The following TAF11 variants were observed in gnomAD, a reference collection of about 807,000 sequenced individuals.
The protein encoded by TAF11 is transcription initiation factor TFIID subunit 11.
TAF11 carries 10 observed loss-of-function variants against 23.0 expected under a neutral mutation model. The ratio of observed to expected loss-of-function variants is 0.43; its 90% confidence interval spans 0.27 to 0.74. The LOEUF is 0.74. Ranked by LOEUF, TAF11 falls within the 30% of genes least tolerant of loss-of-function variation. The pLI, the probability that TAF11 is intolerant of heterozygous loss-of-function variation, is 0.19. For missense variants in TAF11, 196 were observed against 261.7 expected (o/e 0.75, Z 1.73); for synonymous variants, 85 against 95.8 (o/e 0.89, Z 0.66).
intron 2 of TAF11, 120 bp downstream of exon 2, chr6:34,882,812 A>G: frequency 8.1e-7 from 1 of 1,238,054 alleles, no homozygotes; most frequent in African/African-American, 1.5e-5. Context: ...GCCATAATGT[A>G]TTAATCGTTT....
At chr6:34,886,771 TTC>T (rs547591262) in intron 1 of TAF11, among the ~76,000 whole-genome samples, 3 of 152,056 alleles carry the variant, frequency 2.0e-5, no homozygotes, top group Non-Finnish European at 2.9e-5. Context: ...CAGACAAATT[TTC>T]TCTTTTTCTA....
intron 2 of TAF11, among the ~76,000 whole-genome samples, chr6:34,882,246 G>A (rs994893434): frequency 6.6e-6 from 1 of 151,666 alleles, no homozygotes; most frequent in African/African-American, 2.4e-5. Context: ...GCTGAGGCAG[G>A]AGAATCGCTC....
In TAF11 at chr6:34,878,396, T is replaced by G; in HGVS notation, c.*194A>C. On this transcript the variant is annotated 3_prime_UTR_variant, in exon 5 of 5. Coordinates refer to ENST00000361288, the MANE Select transcript of TAF11 (RefSeq NM_005643.4). Reference sequence around the variant, plus strand: ...CAAAATGCCCCAAGAGGTCCCAAAATTTAGTCAAGGCAAGTATCAATCAGG... The same window carrying G: ...CAAAATGCCCCAAGAGGTCCCAAAAGTTAGTCAAGGCAAGTATCAATCAGG... 1 of 551,264 alleles carries G rather than the reference T, an allele frequency of 1.8e-6. No individual in the cohort carries two copies. The allele number at this position is 551,264 out of a possible 1,614,324, so 34.1% of individuals were successfully genotyped here. A position where few individuals can be genotyped will look rare whatever the true frequency, so the allele number is the denominator to read the frequency against.
intron 4 of TAF11, chr6:34,879,473 C>G: frequency 1.1e-6 from 1 of 936,518 alleles, no homozygotes; most frequent in Non-Finnish European, 1.2e-6. Flanking sequence ...GACCCTGTCT[C>G]AAAAAATAAT....
At position 34,877,587 on chromosome 6, in the gene TAF11, T is replaced by TG. The variant is rs386406680; in HGVS notation, c.*1002dup. ...ATATTGTTTATTTTCATCTCAGTCT[T>TG]GGGGGGGGAATTATTACACTGTTTT... On this transcript the variant is annotated 3_prime_UTR_variant, in exon 5 of 5. Coordinates refer to ENST00000361288, the MANE Select transcript of TAF11 (RefSeq NM_005643.4). 319 of 151,920 alleles carry TG rather than the reference T, an allele frequency of 2.1e-3. No homozygotes were observed. Among genetic ancestry groups the TG allele is most frequent in the African/African-American group, 4.9e-3 (203 of 41,226 alleles). 9.4% of individuals were successfully genotyped at this position (151,920 alleles called of 1,614,324 possible). A position where few individuals can be genotyped will look rare whatever the true frequency, so the allele number is the denominator to read the frequency against.
intron 1 of TAF11, among the ~76,000 whole-genome samples, chr6:34,885,599 G>A (rs928038024): frequency 6.6e-6 from 1 of 152,074 alleles, no homozygotes; most frequent in Non-Finnish European, 1.5e-5. Context: ...CCTCTGTTCG[G>A]TGCAAATTTA....
chr6:34,887,747 CTG>C, intron 1 of TAF11, 38 bp downstream of exon 1: 1 of 1,612,782 alleles, frequency 6.2e-7, no homozygotes, highest in Non-Finnish European at 8.5e-7. Flanking sequence ...AACACAATCT[CTG>C]GGTATTCCTT....
Position 34,878,516 on chromosome 6 carries a change from A to G in TAF11, c.*74T>C, listed in dbSNP as rs1766355018. 2.4e-6 allele frequency: 2 copies of G among 826,966 alleles called. No homozygotes were observed. Among genetic ancestry groups the G allele is most frequent in the Admixed American group, 1.8e-5 (1 of 55,756 alleles). The allele number at this position is 826,966 out of a possible 1,614,324, so 51.2% of individuals were successfully genotyped here. ...GGAGGCCTGAGATACTAAAGCACCAATGCAGACAGTCTTATAGGAAGTCTG... is the reference window on the plus strand; with the variant it reads ...GGAGGCCTGAGATACTAAAGCACCAGTGCAGACAGTCTTATAGGAAGTCTG... On this transcript the variant is annotated 3_prime_UTR_variant, in exon 5 of 5. Transcript: ENST00000361288.
chr6:34,885,858 A>G (rs4646920), intron 1 of TAF11, among the ~76,000 whole-genome samples: 11,096 of 152,246 alleles, frequency 0.073, 612 homozygotes, highest in East Asian at 0.23. Flanking sequence ...GCGGTGGCTC[A>G]TGCCTATAAT....
At position 34,878,716 on chromosome 6, in the gene TAF11, C is replaced by T. The variant is rs867406251; in HGVS notation, c.510G>A (p.Leu170=). 2.5e-6 allele frequency: 4 copies of T among 1,613,928 alleles called. No individual in the cohort carries two copies. Among genetic ancestry groups the T allele is most frequent in the Middle Eastern group, 1.6e-4 (1 of 6,062 alleles). ...TTTCTCCCCACTTCTCACACACATC[C>T]AGTGCTAAACAGAGGGTAAGGAGAA... ...VFVGEVVEEA[L]DVCEKWGEMP... is the part of the protein sequence containing the mutation. Residue 170 remains leucine (L), a synonymous_variant, in exon 5 of 5, where the codon CTG becomes CTA. Coordinates refer to ENST00000361288, the MANE Select transcript of TAF11 (RefSeq NM_005643.4).
At chr6:34,882,154 A>G (rs913574576) in intron 2 of TAF11, among the ~76,000 whole-genome samples, 3 of 149,674 alleles carry the variant, frequency 2.0e-5, no homozygotes, top group African/African-American at 7.4e-5. Context: ...CCTGGCCAAC[A>G]TGGCAAAAAC....
chr6:34,887,560 AAAGAC>A (rs1435471148), intron 1 of TAF11, among the ~76,000 whole-genome samples: 4 of 152,116 alleles, frequency 2.6e-5, no homozygotes, highest in Non-Finnish European at 5.9e-5. Context: ...TTTAATCCCT[AAAGAC>A]AAGACTAAAA....
chr6:34,878,745 C>T, intron 4 of TAF11, 25 bp from the exon 5 acceptor site: 1 of 1,593,640 alleles, frequency 6.3e-7, no homozygotes, highest in Non-Finnish European at 8.6e-7. Context: ...AGGAGAAAGT[C>T]TGATTATCAC....
chr6:34,879,858 G>A (rs372558092), intron 4 of TAF11, 109 bp downstream of exon 4: 3 of 1,473,386 alleles, frequency 2.0e-6, no homozygotes, highest in East Asian at 2.5e-5. Context: ...TCAACTTCAA[G>A]TGCAAATGAG....
chr6:34,885,249 G>C (rs1766508173), intron 1 of TAF11, among the ~76,000 whole-genome samples: 1 of 151,970 alleles, frequency 6.6e-6, no homozygotes, highest in African/African-American at 2.4e-5. Context: ...CTGGTTTCTT[G>C]AGTTAGGTGC....
intron 2 of TAF11, among the ~76,000 whole-genome samples, chr6:34,882,630 T>G (rs1317135832): frequency 6.7e-6 from 1 of 149,030 alleles, no homozygotes; most frequent in Non-Finnish European, 1.5e-5. Flanking sequence ...GGCGACACAG[T>G]GAGACTCTAT....
At chr6:34,887,726 G>T in intron 1 of TAF11, 61 bp downstream of exon 1, 2 of 1,603,120 alleles carry the variant, frequency 1.2e-6, no homozygotes, top group South Asian at 2.2e-5. Flanking sequence ...GAAGCCCGGC[G>T]AGCAGCCAGT....
Position 34,880,347 on chromosome 6 carries a change from T to C in TAF11, c.350A>G (p.Gln117Arg). ...GCGATACATTTCATAACGGTTCAGC[T>C]GCTCCTCAGAAAAAGAAGAAACCAG... ...QILVSSFSEE[Q>R]LNRYEMYRRS... The change falls in exon 3 of 5, where the codon CAG becomes CGG. Residue 117 changes from glutamine to arginine, a missense_variant. Gln to Arg is a conservative substitution (Grantham distance 43). Transcript: ENST00000361288. The surrounding 1 kb of genome is among the most constrained non-coding windows in gnomAD (Gnocchi z 4.8). 1 of 1,614,110 alleles carries C rather than the reference T, an allele frequency of 6.2e-7. No homozygotes were observed. Among genetic ancestry groups the C allele is most frequent in the Non-Finnish European group, 8.5e-7 (1 of 1,179,998 alleles).
chr6:34,880,125 A>T lies in TAF11; in HGVS notation c.409-62T>A. The T allele has an allele frequency of 6.4e-7, 1 of 1,556,656 alleles. No homozygotes were observed. The highest frequency in any genetic ancestry group is 8.8e-7 in the Non-Finnish European group (1 of 1,130,826). Reference sequence around the variant, plus strand: ...TCAAAGACTGGCTTTGGAACACAGTACCAAGTAATTCACAGAAAAAGGTAA... The same window carrying T: ...TCAAAGACTGGCTTTGGAACACAGTTCCAAGTAATTCACAGAAAAAGGTAA... On this transcript the variant is annotated intron_variant, in intron 3 of 4. Transcript: ENST00000361288. This position sits in a 1 kb window ranked among gnomAD's most constrained non-coding sequence, Gnocchi z 4.8.
Sources: allele counts gnomAD v4.1 joint callset (sites outside exome capture counted in the v4.1 genomes callset), GRCh38; gene constraint gnomAD v4.1.1; non-coding constraint Gnocchi (gnomAD v3.1); transcripts MANE v1.5; gene names NCBI Gene and HGNC (gene_info 2026-07-23, HGNC 2026-07-21).